Variants in DUSP29 observed in about 807,000 individuals in gnomAD.
DUSP29 encodes dual specificity phosphatase 29, also known as atypical dual-specific protein phosphatase.
Under a neutral mutation model 13.5 loss-of-function variants are expected in DUSP29, and 12 were observed. The observed-to-expected ratio is 0.89, with a 90% CI of 0.57 to 1.44. The LOEUF (loss-of-function observed/expected upper bound fraction) is 1.44. Among genes scored for constraint, DUSP29 ranks in the 40% most tolerant of loss-of-function variants. The pLI, the probability that DUSP29 is intolerant of heterozygous loss-of-function variation, is 0.00. For missense variants in DUSP29, 308 were observed against 301.1 expected (o/e 1.02, Z -0.17); for synonymous variants, 134 against 128.7 (o/e 1.04, Z -0.28).
At position 75,043,758 on chromosome 10, in the gene DUSP29, G is replaced by A. The variant is rs766658006; in HGVS notation, c.421+39C>T. 1.9e-6 allele frequency: 3 copies of A among 1,543,792 alleles called. No individual in the cohort carries two copies. The Admixed American group carries it at 5.4e-5, about 28-fold the overall frequency. The stretch of plus-strand genomic sequence containing the variant: ...CGGGCGGGGCGAGTCGGGGCGGGGC[G>A]GGGCGGGGCCGATCGGGGCGGGGCC... On this transcript the variant is annotated intron_variant, in intron 3 of 3. Coordinates refer to ENST00000338487, the MANE Select transcript of DUSP29 (RefSeq NM_001003892.3).
intron 2 of DUSP29, among the ~76,000 whole-genome samples, chr10:75,053,250 A>G (rs533735449): frequency 1.3e-5 from 2 of 152,094 alleles, no homozygotes; most frequent in Admixed American, 6.5e-5. Flanking sequence ...TTCATCCCCT[A>G]TATTCCAGAT....
intron 2 of DUSP29, among the ~76,000 whole-genome samples, chr10:75,052,020 G>A (rs2134290684): frequency 6.6e-6 from 1 of 152,336 alleles, no homozygotes; most frequent in Non-Finnish European, 1.5e-5. Context: ...ACCTGTGTGT[G>A]CTTGTATTGG....
At chr10:75,055,137 C>T (rs140487124) in intron 2 of DUSP29, among the ~76,000 whole-genome samples, 310 of 152,196 alleles carry the variant, frequency 2.0e-3, no homozygotes, top group African/African-American at 4.0e-3. Flanking sequence ...CCATCATGCC[C>T]GGCCTATTAC....
At chr10:75,069,986 G>T (rs188846593) in intron 1 of DUSP29, among the ~76,000 whole-genome samples, 3 of 151,504 alleles carry the variant, frequency 2.0e-5, no homozygotes, top group African/African-American at 7.3e-5. Context: ...GGAGGTGGAG[G>T]TTGCTGTGAG....
At chr10:75,060,617 C>T (rs905122861) in intron 1 of DUSP29, among the ~76,000 whole-genome samples, 2 of 152,080 alleles carry the variant, frequency 1.3e-5, no homozygotes, top group Non-Finnish European at 2.9e-5. Context: ...TGGGTTGATA[C>T]GGGAAATGTT....
chr10:75,045,568 C>T (rs982652015), intron 2 of DUSP29, among the ~76,000 whole-genome samples: 1 of 152,088 alleles, frequency 6.6e-6, no homozygotes, highest in African/African-American at 2.4e-5. Context: ...GGTGTTTAAG[C>T]CAAGACTGAG....
chr10:75,040,636 T>A (rs1846560748), intron 3 of DUSP29, among the ~76,000 whole-genome samples: 1 of 152,128 alleles, frequency 6.6e-6, no homozygotes, highest in African/African-American at 2.4e-5. Context: ...GTGCTCAAAA[T>A]AAGGGCAGAG....
Position 75,058,388 on chromosome 10 carries a change from G to T in DUSP29, c.127C>A (p.Arg43=), listed in dbSNP as rs750377358. The T allele has an allele frequency of 3.2e-5, 51 of 1,614,066 alleles. No individual in the cohort carries two copies. Among genetic ancestry groups the T allele is most frequent in the Non-Finnish European group, 3.7e-5 (44 of 1,180,026 alleles). The part of the protein sequence containing the change: ...YCTPGAFELE[R]LFWKGSPQYT... ...TGGGGACTGCCCTTCCAGAAGAGCC[G>T]CTCCAGCTCAAAGGCTCCAGGGGTG... Residue 43 remains arginine (R), a synonymous_variant, in exon 2 of 4, where the codon CGG becomes AGG. Transcript: ENST00000338487.
intron 1 of DUSP29, among the ~76,000 whole-genome samples, chr10:75,072,568 G>A (rs773268159): frequency 1.2e-4 from 18 of 152,110 alleles, no homozygotes; most frequent in Middle Eastern, 3.4e-3. Context: ...CAGAGTCCTC[G>A]GATTTGTCGG....
rs12260892 is a variant in DUSP29 at position 75,058,191 on chromosome 10, T to C, written c.200+124A>G. On this transcript the variant is annotated intron_variant, in intron 2 of 3. Transcript: ENST00000338487. ...TGTAATGTGAAGGCAAGCCCAGCCC[T>C]AACTAATTGAGTTCTCACAGAACGA... 5,948 of 1,166,436 alleles carry C rather than the reference T, an allele frequency of 5.1e-3. 243 individuals carry two copies. The African/African-American group carries it at 0.082, about 16-fold the overall frequency. 72.3% of individuals were successfully genotyped at this position (1,166,436 alleles called of 1,614,324 possible). A position where few individuals can be genotyped will look rare whatever the true frequency, so the allele number is the denominator to read the frequency against.
At chr10:75,053,295 C>T (rs57250853) in intron 2 of DUSP29, among the ~76,000 whole-genome samples, 254 of 152,292 alleles carry the variant, frequency 1.7e-3, no homozygotes, top group African/African-American at 5.9e-3. Context: ...TGTAGCTATT[C>T]CCATCCTGCT....
chr10:75,046,052 G>A (rs1230795124), intron 2 of DUSP29, among the ~76,000 whole-genome samples: 2 of 152,084 alleles, frequency 1.3e-5, no homozygotes, highest in Admixed American at 6.6e-5. Context: ...GGGAGGTTGA[G>A]GCTGCAGTGA....
At chr10:75,048,535 G>A (rs1846753067) in intron 2 of DUSP29, among the ~76,000 whole-genome samples, 1 of 152,016 alleles carries the variant, frequency 6.6e-6, no homozygotes, top group African/African-American at 2.4e-5. Flanking sequence ...GAGTAGCTGA[G>A]ATTACACGTG....
rs1202286873 is a variant in DUSP29 at position 75,037,787 on chromosome 10, G to A, written c.*49C>T. ...GAGTCCTAGGCCAGGGCTATGTTCT[G>A]CCTCTCCCCTCTGTCCCCAAGTGCC... is the stretch of plus-strand genomic sequence containing the variant. On this transcript the variant is annotated 3_prime_UTR_variant, in exon 4 of 4. Transcript: ENST00000338487. The A allele has an allele frequency of 6.4e-7, 1 of 1,563,044 alleles. No individual in the cohort carries two copies. Among genetic ancestry groups the A allele is most frequent in the East Asian group, 2.3e-5 (1 of 44,278 alleles).
chr10:75,070,533 G>T (rs1847307837), intron 1 of DUSP29, among the ~76,000 whole-genome samples: 1 of 152,304 alleles, frequency 6.6e-6, no homozygotes, highest in East Asian at 1.9e-4. Flanking sequence ...TGGCACATCC[G>T]CATGAGCTCA....
At chr10:75,050,959 A>G (rs952236256) in intron 2 of DUSP29, among the ~76,000 whole-genome samples, 2 of 152,190 alleles carry the variant, frequency 1.3e-5, no homozygotes, top group Admixed American at 6.5e-5. Context: ...CTGAGCAGTG[A>G]GGACTTGGAA....
In DUSP29 at chr10:75,040,138, T is replaced by C. The variant is rs1053178555; in HGVS notation, c.422-2061A>G. On this transcript the variant is annotated intron_variant, in intron 3 of 3. Coordinates refer to ENST00000338487, the MANE Select transcript of DUSP29 (RefSeq NM_001003892.3). ...TTGCAGTGAGTGGAGATCACGCCAC[T>C]GCACTCCAGCCTGGGTGACAGAGCG... 1.3e-5 allele frequency among the ~76,000 whole-genome samples: 2 copies of C among 152,104 alleles called. 1 individual carries two copies. The highest frequency in any genetic ancestry group is 1.3e-4 in the Admixed American group (2 of 15,278).
Position 75,043,889 on chromosome 10 carries a change from C to A in DUSP29, c.329G>T (p.Gly110Val). 1 of 1,614,062 alleles carries A rather than the reference C, an allele frequency of 6.2e-7. No individual in the cohort carries two copies. The highest frequency in any genetic ancestry group is 8.5e-7 in the Non-Finnish European group (1 of 1,179,960). Residue 110 changes from glycine (G) to valine (V), a missense_variant, in exon 3 of 4, where the codon GGC becomes GTC. Coordinates refer to ENST00000338487, the MANE Select transcript of DUSP29 (RefSeq NM_001003892.3). ...YYRDMDIQYH[G>V]VEADDLPTFD... ...GGTGGGCAGGTCGTCGGCCTCCACG[C>A]CGTGGTACTGGATGTCCATGTCGCG...
intron 3 of DUSP29, among the ~76,000 whole-genome samples, chr10:75,042,152 A>G (rs1198257792): frequency 2.6e-5 from 4 of 152,250 alleles, no homozygotes; most frequent in Non-Finnish European, 5.9e-5. Flanking sequence ...TACGCGCGTT[A>G]CTGCTGATCC....
Sources: allele counts gnomAD v4.1 joint callset (sites outside exome capture counted in the v4.1 genomes callset), GRCh38; gene constraint gnomAD v4.1.1; transcripts MANE v1.5; gene names NCBI Gene and HGNC (gene_info 2026-07-23, HGNC 2026-07-21).